CDC42BPB: variants seen among roughly 807,000 people sequenced by gnomAD.
CDC42BPB encodes the protein CDC42 binding protein kinase beta.
A neutral mutation model predicts 214.9 loss-of-function variants in CDC42BPB; 37 were observed. The observed-to-expected ratio is 0.17, with a 90% CI of 0.13 to 0.23. The LOEUF (loss-of-function observed/expected upper bound fraction) is 0.23, where lower values mean the gene tolerates loss of function less well. Ranked by LOEUF, CDC42BPB falls within the 10% of genes least tolerant of loss-of-function variation. CDC42BPB has a pLI of 1.00. For missense variants in CDC42BPB, 1,694 were observed against 2,227.0 expected, an observed-to-expected ratio of 0.76 and a Z score of 4.82; for synonymous variants, 931 against 884.0, an observed-to-expected ratio of 1.05 and a Z score of -0.94.
Position 103,030,931 on chromosome 14 carries a change from G to A in CDC42BPB, c.176-18743C>T, listed in dbSNP as rs548019013. On this transcript the variant is annotated intron_variant, in intron 1 of 36. Transcript: ENST00000361246. The stretch of plus-strand genomic sequence containing the variant: ...GAGCCCAGGAGGTGGGAATTGCAGT[G>A]AGGCAAGACTGAGCCATTGCACTCC... 2.6e-5 allele frequency among the ~76,000 whole-genome samples: 4 copies of A among 152,024 alleles called. No homozygotes were observed. In the South Asian group the frequency reaches 6.2e-4, roughly 24 times the overall value.
At chr14:102,939,792 A>G in intron 33 of CDC42BPB, 38 bp downstream of exon 33, 2 of 1,613,972 alleles carry the variant, frequency 1.2e-6, no homozygotes, top group Non-Finnish European at 1.7e-6. Context: ...CCCTCCCTAG[A>G]GCGAGGCCCA....
intron 3 of CDC42BPB, among the ~76,000 whole-genome samples, chr14:103,007,528 C>T (rs1029637727): frequency 6.6e-6 from 1 of 152,206 alleles, no homozygotes; most frequent in African/African-American, 2.4e-5. Context: ...GGTCTAGAAA[C>T]CCAAGAAGGA....
At chr14:103,045,490 C>T (rs1888239435) in intron 1 of CDC42BPB, among the ~76,000 whole-genome samples, 1 of 151,728 alleles carries the variant, frequency 6.6e-6, no homozygotes, top group Non-Finnish European at 1.5e-5. Context: ...GCTGTCCAGC[C>T]ACCCGAGGAG....
At chr14:103,033,047 T>C (rs1298702598) in intron 1 of CDC42BPB, among the ~76,000 whole-genome samples, 1 of 152,168 alleles carries the variant, frequency 6.6e-6, no homozygotes, top group Non-Finnish European at 1.5e-5. Context: ...ACCCTCATCT[T>C]CTTGAGACAC....
At chr14:102,974,222 T>C in intron 11 of CDC42BPB, 73 bp from the exon 12 acceptor site, 1 of 1,564,628 alleles carries the variant, frequency 6.4e-7, no homozygotes, top group Non-Finnish European at 8.6e-7. Flanking sequence ...TTAGCTGACT[T>C]ACTGACAGGA....
At chr14:102,945,888 T>C (rs1232545973) in intron 28 of CDC42BPB, among the ~76,000 whole-genome samples, 164 bp from the exon 29 acceptor site, 1 of 152,250 alleles carries the variant, frequency 6.6e-6, no homozygotes, top group Non-Finnish European at 1.5e-5. Flanking sequence ...TGACTTTCTC[T>C]CTACACGAAC....
intron 27 of CDC42BPB, 119 bp downstream of exon 27, chr14:102,947,602 G>A: frequency 1.2e-6 from 1 of 863,946 alleles, no homozygotes; most frequent in Non-Finnish European, 1.9e-6. Context: ...CCAGGCTGGA[G>A]GTTGAGACCC....
rs79110591 is a variant in CDC42BPB at position 102,962,133 on chromosome 14, C to T, written c.2821+928G>A. Among the ~76,000 whole-genome samples the T allele has an allele frequency of 9.1e-3, 1,388 of 152,322 alleles. 26 individuals are homozygous for T. The highest frequency in any genetic ancestry group is 0.03 in the African/African-American group (1,259 of 41,562). ...GATGCTATTTCTCACCTATTCAGAG[C>T]GGCAAAAATCCAAAAGTCTGAAATC... On this transcript the variant is annotated intron_variant, in intron 20 of 36. Transcript: ENST00000361246.
At chr14:102,995,179 CTTTT>C (rs952254612) in intron 5 of CDC42BPB, among the ~76,000 whole-genome samples, 1 of 145,732 alleles carries the variant, frequency 6.9e-6, no homozygotes, top group East Asian at 2.0e-4. Flanking sequence ...CTCTCTCTCT[CTTTT>C]TTTTTTTTGA....
chr14:102,947,942 G>C (rs948316731), intron 26 of CDC42BPB, 140 bp from the exon 27 acceptor site: 28 of 1,498,776 alleles, frequency 1.9e-5, no homozygotes, highest in African/African-American at 2.8e-5. Flanking sequence ...CGCCTCCCCA[G>C]ATGTAAGAAA....
chr14:102,999,656 C>G lies in CDC42BPB; in HGVS notation c.505G>C (p.Glu169Gln). The change falls in exon 5 of 37, where the codon GAA (glutamate) becomes CAA (glutamine). Residue 169 changes from glutamate (E) to glutamine (Q), a missense_variant. Coordinates refer to ENST00000361246, the MANE Select transcript of CDC42BPB (RefSeq NM_006035.4). ...GDLLTLLSKF[E>Q]DKLPEDMARF... ...GCCATATCTTCCGGAAGCTTGTCTT[C>G]AAATTTGCTGAGCAGGGTCAGTAAA... is the stretch of plus-strand genomic sequence containing the variant. 2 of 1,614,172 alleles carry G rather than the reference C, an allele frequency of 1.2e-6. No homozygotes were observed. The highest frequency in any genetic ancestry group is 1.7e-6 in the Non-Finnish European group (2 of 1,180,032).
In CDC42BPB at chr14:102,938,315, G is replaced by T; in HGVS notation, c.4924C>A (p.Pro1642Thr). The stretch of plus-strand genomic sequence containing the variant: ...CAGGCTTCCCCTGTACCTGATGAGG[G>T]CCACGAGATGTAGGGCTTGTTCCTG... ...PSRNKPYISWPSSGGSEPSVT... is the reference protein window; with the variant it reads ...PSRNKPYISWTSSGGSEPSVT... Residue 1642 changes from proline to threonine, a missense_variant, in exon 35 of 37, where the codon CCC (proline) becomes ACC (threonine). Transcript: ENST00000361246. 6.2e-7 allele frequency: 1 copy of T among 1,608,214 alleles called. No individual in the cohort carries two copies. The highest frequency in any genetic ancestry group is 8.5e-7 in the Non-Finnish European group (1 of 1,177,454).
chr14:102,934,262 T>C (rs535220708), intron 36 of CDC42BPB: 32 of 161,906 alleles, frequency 2.0e-4, no homozygotes, highest in African/African-American at 4.8e-4. Flanking sequence ...AGGCCGGGCG[T>C]GGTGGCTTAC....
rs747896976 is a variant in CDC42BPB, at chr14:102,967,170, G to T, written c.2347C>A (p.Leu783Ile). 92 of 1,610,670 alleles carry T rather than the reference G, an allele frequency of 5.7e-5. No homozygotes were observed. In the Admixed American group the frequency reaches 6.2e-4, roughly 11 times the overall value. Residue 783 changes from leucine to isoleucine, a missense_variant and splice_region_variant, in exon 17 of 37, where the codon CTC becomes ATC. Leu to Ile is a conservative substitution (Grantham distance 5). Around this residue, in one of 7 missense-constraint regions of CDC42BPB, gnomAD observed 462 missense variants for 513.5 expected, o/e 0.90. Coordinates refer to ENST00000361246, the MANE Select transcript of CDC42BPB (RefSeq NM_006035.4). ...NKKLTAENEK[L>I]CSFVDKLTAQ... is the part of the protein sequence containing the mutation. The stretch of plus-strand genomic sequence containing the variant: ...GTGAGTTTATCCACAAAGGAACAGA[G>T]CTGAAATGAAACAATTTCACCACAG...
At chr14:102,963,526 A>G (rs1893051850) in intron 19 of CDC42BPB, among the ~76,000 whole-genome samples, 1 of 152,190 alleles carries the variant, frequency 6.6e-6, no homozygotes, top group Non-Finnish European at 1.5e-5. Flanking sequence ...TGGTGGCTGC[A>G]CCAAGAAGCA....
chr14:103,008,562 T>C lies in CDC42BPB; in HGVS notation c.268-7A>G. ...TCATTTTGACAACAGCAACCTGCAG[T>C]GCAAATGTGAGTTGAACAAAGATGC... On this transcript the variant is annotated splice_region_variant and splice_polypyrimidine_tract_variant and intron_variant, in intron 2 of 36. Coordinates refer to ENST00000361246, the MANE Select transcript of CDC42BPB (RefSeq NM_006035.4). The C allele has an allele frequency of 1.9e-6, 3 of 1,603,464 alleles. No homozygotes were observed. Among genetic ancestry groups the C allele is most frequent in the Non-Finnish European group, 2.6e-6 (3 of 1,170,234 alleles).
At chr14:102,946,872 C>T (rs1172040811) in intron 27 of CDC42BPB, 188 bp from the exon 28 acceptor site, 2 of 979,316 alleles carry the variant, frequency 2.0e-6, no homozygotes, top group South Asian at 4.7e-5. Flanking sequence ...ACGGAAGGGG[C>T]GGGGTTCTAA....
intron 24 of CDC42BPB, among the ~76,000 whole-genome samples, chr14:102,950,954 A>T (rs1274380700): frequency 6.6e-6 from 1 of 152,232 alleles, no homozygotes; most frequent in East Asian, 1.9e-4. Flanking sequence ...CCACAGAGCG[A>T]GACTCCATCT....
intron 36 of CDC42BPB, among the ~76,000 whole-genome samples, chr14:102,937,340 TGGA>T (rs1267790421): frequency 6.6e-6 from 1 of 152,208 alleles, no homozygotes; most frequent in Non-Finnish European, 1.5e-5. Flanking sequence ...GGACAAAGGA[TGGA>T]GAAGACAAAG....
Sources: gnomAD v4.1 joint callset for allele counts (sites outside exome capture counted in the v4.1 genomes callset) on GRCh38, gnomAD v4.1.1 for gene constraint, gnomAD v4.1.1 regional missense constraint, MANE v1.5 for transcripts, NCBI Gene and HGNC (gene_info 2026-07-23, HGNC 2026-07-21) for gene names.